DNAH3: variants seen among roughly 807,000 people sequenced by gnomAD.
DNAH3 encodes the protein axonemal beta dynein heavy chain 3.
DNAH3 carries 332 observed loss-of-function variants against 432.5 expected under a neutral mutation model. The ratio of observed to expected loss-of-function variants is 0.77; its 90% CI spans 0.70 to 0.84. DNAH3 has a LOEUF of 0.84. Among genes scored for constraint, DNAH3 ranks in the 40% least tolerant of loss-of-function variants. The pLI is 0.00. For missense variants in DNAH3, 4,861 were observed against 5,114.0 expected (o/e 0.95, Z 1.51); for synonymous variants, 1,956 against 1,900.2 (o/e 1.03, Z -0.76).
At chr16:20,981,831 T>C (rs2085913180) in intron 49 of DNAH3, among the ~76,000 whole-genome samples, 1 of 151,872 alleles carries the variant, frequency 6.6e-6, no homozygotes, top group African/African-American at 2.4e-5. Context: ...CAAGGTTGAC[T>C]GATCTCTAGC....
At chr16:21,058,363 CT>C (rs1342325141) in intron 26 of DNAH3, among the ~76,000 whole-genome samples, 167 bp from the exon 27 acceptor site, 1 of 152,190 alleles carries the variant, frequency 6.6e-6, no homozygotes, top group African/African-American at 2.4e-5. Flanking sequence ...TTATGTCTTC[CT>C]TTCTGAGTTT....
At chr16:20,936,191 C>T (rs377264014) in intron 60 of DNAH3, among the ~76,000 whole-genome samples, 1 of 151,602 alleles carries the variant, frequency 6.6e-6, no homozygotes. Flanking sequence ...CTTGCTCTGT[C>T]GCCCAGGCTG....
intron 52 of DNAH3, among the ~76,000 whole-genome samples, chr16:20,966,120 C>T (rs2085052843): frequency 7.1e-6 from 1 of 140,806 alleles, no homozygotes; most frequent in Non-Finnish European, 1.5e-5. Flanking sequence ...TCACTGCAAC[C>T]TCTGCCTCCT....
chr16:21,001,100 C>T lies in DNAH3; in HGVS notation c.6127-582G>A, dbSNP rs1413887153. 2.6e-5 allele frequency among the ~76,000 whole-genome samples: 4 copies of T among 152,344 alleles called. 1 individual carries two copies. The highest frequency in any genetic ancestry group is 3.9e-4 in the East Asian group (2 of 5,188). On this transcript the variant is annotated intron_variant, in intron 42 of 61. Transcript: ENST00000261383. ...TGTTTCTGATCTATTTTTTACAACA[C>T]TCACATTCTTGGTTCTAAGACCCAC...
Position 20,999,330 on chromosome 16 carries a change from T to C in DNAH3, c.6421+894A>G, listed in dbSNP as rs564958687. ...CCTGTTTTTGAATATACCATAAAAA[T>C]AGGGAGGGAGAGCAAGATGGAGAAA... is the stretch of plus-strand genomic sequence containing the variant. On this transcript the variant is annotated intron_variant, in intron 43 of 61. Transcript: ENST00000261383. 4.6e-5 allele frequency among the ~76,000 whole-genome samples: 7 copies of C among 151,588 alleles called. No individual in the cohort carries two copies. The South Asian group carries it at 1.3e-3, about 27-fold the overall frequency.
chr16:20,979,494 C>T (rs746614618), exon 50 of DNAH3: 8 of 1,614,058 alleles, frequency 5.0e-6, no homozygotes, highest in South Asian at 3.3e-5. Flanking sequence ...TTGTAATAAT[C>T]GAGTGACAGC....
chr16:20,942,917 T>C (rs1161771605), intron 58 of DNAH3, among the ~76,000 whole-genome samples: 1 of 152,152 alleles, frequency 6.6e-6, no homozygotes, highest in Non-Finnish European at 1.5e-5. Context: ...ATTGTTGTTG[T>C]TACTGTTTTG....
chr16:21,140,873 G>A (rs2092709791), intron 4 of DNAH3, among the ~76,000 whole-genome samples, 163 bp from the exon 6 acceptor site: 1 of 152,138 alleles, frequency 6.6e-6, no homozygotes, highest in Non-Finnish European at 1.5e-5. Flanking sequence ...TGACCCTAAT[G>A]ACTGAACACC....
intron 14 of DNAH3, among the ~76,000 whole-genome samples, chr16:21,108,791 T>C (rs968288144): frequency 2.1e-4 from 32 of 151,466 alleles, no homozygotes; most frequent in African/African-American, 7.3e-4. Context: ...AACCTTTTGC[T>C]GTCCTCGTCC....
chr16:21,049,962 C>G, exon 30 of DNAH3: 1 of 1,614,186 alleles, frequency 6.2e-7, no homozygotes, highest in Non-Finnish European at 8.5e-7. Flanking sequence ...CTTGCCAGTC[C>G]CAGCTGGACC....
rs1229704663 is a variant in DNAH3, at chr16:21,000,223, C to T, written c.6421+1G>A. 3 of 1,612,300 alleles carry T rather than the reference C, an allele frequency of 1.9e-6. No homozygotes were observed. Among genetic ancestry groups the T allele is most frequent in the Non-Finnish European group, 2.5e-6 (3 of 1,178,908 alleles). On this transcript the variant is annotated splice_donor_variant, in intron 43 of 61. Transcript: ENST00000261383. LOFTEE classifies it high-confidence loss of function. ...TGTCCAGACCCAGCCCAATGCCTTA[C>T]CCACAAACACCACTGCTTTCTTCCC...
At chr16:20,990,314 GATCTATGT>G (rs1200633975) in intron 44 of DNAH3, among the ~76,000 whole-genome samples, 1 of 152,066 alleles carries the variant, frequency 6.6e-6, no homozygotes, top group Non-Finnish European at 1.5e-5. Flanking sequence ...TGTATCTATA[GATCTATGT>G]ATCTGTCTAA....
In DNAH3 at chr16:21,018,857, T is replaced by C. The variant is rs115696346; in HGVS notation, c.6022+767A>G. Among the ~76,000 whole-genome samples the C allele has an allele frequency of 5.2e-3, 783 of 151,690 alleles. 6 individuals are homozygous for C. The highest frequency in any genetic ancestry group is 0.018 in the African/African-American group (733 of 41,312). ...GTGCAGTGAGCCAAGATCATACCAC[T>C]ATACTCCAGCAGGAGCAAGAGAGCA... is the stretch of plus-strand genomic sequence containing the variant. On this transcript the variant is annotated intron_variant, in intron 41 of 61. Coordinates refer to ENST00000261383, the Ensembl canonical transcript of DNAH3.
At position 21,027,119 on chromosome 16, in the gene DNAH3, G is replaced by A. The variant is rs774724900; in HGVS notation, c.5448C>T (p.Leu1816=). ...TCATCTGGATAATTTCCCCACTCATGAGACACAGCTAAAAGTGCAAAGCAG... is the reference window on the plus strand; with the variant it reads ...TCATCTGGATAATTTCCCCACTCATAAGACACAGCTAAAAGTGCAAAGCAG... Residue 1816 remains leucine, a synonymous_variant, in exon 38 of 62, where the codon CTC becomes CTT. Transcript: ENST00000261383. 5 of 1,613,208 alleles carry A rather than the reference G, an allele frequency of 3.1e-6. No homozygotes were observed. The South Asian group carries it at 4.4e-5, about 14-fold the overall frequency.
exon 6 of DNAH3, chr16:21,136,494 G>A: frequency 6.2e-7 from 1 of 1,614,066 alleles, no homozygotes; most frequent in Non-Finnish European, 8.5e-7. Flanking sequence ...AATTCCATTG[G>A]TCAGATAGTA....
chr16:21,008,199 CTCTG>C (rs2087410904), intron 41 of DNAH3, among the ~76,000 whole-genome samples: 1 of 152,054 alleles, frequency 6.6e-6, no homozygotes, highest in African/African-American at 2.4e-5. Context: ...TCTCTCTCTC[CTCTG>C]TCTCTCTCTC....
intron 18 of DNAH3, among the ~76,000 whole-genome samples, chr16:21,090,958 C>T (rs932950969): frequency 1.3e-5 from 2 of 151,888 alleles, no homozygotes; most frequent in Non-Finnish European, 1.5e-5. Flanking sequence ...TCAAGACCGG[C>T]CTGGGCAACA....
At chr16:21,063,633 C>T (rs1287354070) in intron 24 of DNAH3, among the ~76,000 whole-genome samples, 1 of 152,004 alleles carries the variant, frequency 6.6e-6, no homozygotes, top group East Asian at 1.9e-4. Flanking sequence ...GCCTTGACCT[C>T]CAGGGCTCAA....
intron 1 of DNAH3, among the ~76,000 whole-genome samples, chr16:21,146,547 G>A (rs1247287585): frequency 6.6e-6 from 1 of 152,156 alleles, no homozygotes; most frequent in Non-Finnish European, 1.5e-5. Context: ...ATACATTATA[G>A]AGTGACTAAA....
Sources: allele counts gnomAD v4.1 joint callset (sites outside exome capture counted in the v4.1 genomes callset), GRCh38; gene constraint gnomAD v4.1.1; transcripts MANE v1.5; gene names NCBI Gene and HGNC (gene_info 2026-07-23, HGNC 2026-07-21).